The following ASTN2 variants were observed in gnomAD, a reference collection of about 807,000 sequenced individuals.
ASTN2 encodes the protein astrotactin 2, also known as astrotactin-2.
In ASTN2, 54 loss-of-function variants were observed where a neutral mutation model predicts 139.8. That is an observed-to-expected ratio of 0.39 (90% CI 0.31 to 0.48). The LOEUF (loss-of-function observed/expected upper bound fraction) is 0.48, where lower values mean the gene tolerates loss of function less well. ASTN2 is among the 20% of genes least tolerant of loss of function. ASTN2 has a pLI of 0.95. For synonymous variants in ASTN2, 756 were observed against 719.5 expected, an observed-to-expected ratio of 1.05 and a Z score of -0.81; for missense variants, 1,565 against 1,725.1, an observed-to-expected ratio of 0.91 and a Z score of 1.64.
intron 17 of ASTN2, among the ~76,000 whole-genome samples, chr9:116,642,132 C>CCAAAAAAAAAAAAAAAAAAAAAAAA (rs1554724602): frequency 6.1e-5 from 3 of 48,938 alleles, no homozygotes; most frequent in African/African-American, 7.6e-5. Context: ...TCCCAACCCA[C>CCAAAAAAAAAAAAAAAAAAAAAAAA]AAAAAAAAAA....
At chr9:117,338,976 G>T (rs1432716343) in intron 1 of ASTN2, among the ~76,000 whole-genome samples, 1 of 152,044 alleles carries the variant, frequency 6.6e-6, no homozygotes, top group Admixed American at 6.6e-5. Flanking sequence ...TTATCTAGGG[G>T]ACAGGTAGAC....
At chr9:117,120,008 G>GTATATATATATA (rs1203112485) in intron 4 of ASTN2, among the ~76,000 whole-genome samples, 4 of 45,632 alleles carry the variant, frequency 8.8e-5, no homozygotes, top group African/African-American at 2.3e-4. Flanking sequence ...GTGTGTGTGT[G>GTATATATATATA]TGTGTGTGTG....
chr9:116,604,136 A>G (rs1332197265), intron 19 of ASTN2, among the ~76,000 whole-genome samples: 1 of 152,148 alleles, frequency 6.6e-6, no homozygotes, highest in Non-Finnish European at 1.5e-5. Flanking sequence ...GGCAGGAATT[A>G]TGCCTGTCCT....
At chr9:116,509,149 C>T (rs1850247916) in intron 19 of ASTN2, among the ~76,000 whole-genome samples, 1 of 152,134 alleles carries the variant, frequency 6.6e-6, no homozygotes, top group African/African-American at 2.4e-5. Flanking sequence ...CTAATGCTAT[C>T]ACTCCCCCTT....
intron 3 of ASTN2, among the ~76,000 whole-genome samples, chr9:117,141,856 G>C (rs538794476): frequency 6.6e-6 from 1 of 152,142 alleles, no homozygotes; most frequent in African/African-American, 2.4e-5. Flanking sequence ...CAATAGAAGA[G>C]TACAAAATTC....
At chr9:117,252,230 C>A (rs1343146077) in intron 2 of ASTN2, among the ~76,000 whole-genome samples, 1 of 152,134 alleles carries the variant, frequency 6.6e-6, no homozygotes, top group Admixed American at 6.5e-5. Flanking sequence ...GTAGGATGCC[C>A]CCGAAAGTGA....
chr9:116,843,659 CA>C (rs34552965), intron 11 of ASTN2, among the ~76,000 whole-genome samples: 51,903 of 115,456 alleles, frequency 0.45, 9,641 homozygotes, highest in East Asian at 0.66. Context: ...AACTCTGTCT[CA>C]AAAAAAAAAA....
intron 17 of ASTN2, among the ~76,000 whole-genome samples, chr9:116,625,356 C>A (rs1372669795): frequency 6.6e-6 from 1 of 152,166 alleles, no homozygotes; most frequent in Non-Finnish European, 1.5e-5. Flanking sequence ...ATAGCTTGAA[C>A]CCGGGAGGTG....
At chr9:116,762,761 G>A (rs1334230922) in intron 13 of ASTN2, among the ~76,000 whole-genome samples, 2 of 152,200 alleles carry the variant, frequency 1.3e-5, no homozygotes, top group African/African-American at 2.4e-5. Context: ...AGTTGTCTAT[G>A]GCTGTTTTGC....
intron 1 of ASTN2, among the ~76,000 whole-genome samples, chr9:117,339,124 C>T (rs1828983871): frequency 6.6e-6 from 1 of 152,056 alleles, no homozygotes; most frequent in South Asian, 2.1e-4. Context: ...ATCTGTGGTT[C>T]CTGACTACAA....
intron 19 of ASTN2, among the ~76,000 whole-genome samples, chr9:116,571,740 C>T (rs932403298): frequency 1.3e-5 from 2 of 152,060 alleles, no homozygotes; most frequent in South Asian, 2.1e-4. Context: ...GTTGTCTGTG[C>T]GTGGCATGCT....
rs537170027 is a variant in ASTN2, at chr9:116,455,867, T to C, written c.3498-13314A>G. Among the ~76,000 whole-genome samples, 27 of 151,788 alleles carry C rather than the reference T, an allele frequency of 1.8e-4. 1 individual carries two copies. The South Asian group carries it at 5.0e-3, about 28-fold the overall frequency. ...ATATTAGATATAAAACAGTTCATAG[T>C]TCAACACAATAAAACTATATACAAT... On this transcript the variant is annotated intron_variant, in intron 20 of 22. Coordinates refer to ENST00000313400, the MANE Select transcript of ASTN2 (RefSeq NM_001365068.1).
rs183312934 is a variant in ASTN2, at chr9:116,655,362, C to A, written c.2807-3569G>T. 2.0e-5 allele frequency among the ~76,000 whole-genome samples: 3 copies of A among 152,346 alleles called. No individual in the cohort carries two copies. In the East Asian group the frequency reaches 5.8e-4, roughly 29 times the overall value. ...TTTTATTCTTCTCCTGCTTAAAACA[C>A]TTCCATTTCACTTCACTCCTCTTAG... On this transcript the variant is annotated intron_variant, in intron 16 of 22. Transcript: ENST00000313400.
chr9:116,983,567 GATC>G (rs1836579759), intron 7 of ASTN2, among the ~76,000 whole-genome samples: 1 of 152,220 alleles, frequency 6.6e-6, no homozygotes, highest in Non-Finnish European at 1.5e-5. Context: ...CTTTGACAAT[GATC>G]ATGTGTGAGA....
At position 117,201,143 on chromosome 9, in the gene ASTN2, T is replaced by C. The variant is rs958104225; in HGVS notation, c.1015+13215A>G. Among the ~76,000 whole-genome samples the C allele has an allele frequency of 2.3e-4, 35 of 152,020 alleles. 1 individual carries two copies. Among genetic ancestry groups the C allele is most frequent in the Admixed American group, 2.2e-3 (34 of 15,256 alleles). On this transcript the variant is annotated intron_variant, in intron 3 of 22. Transcript: ENST00000313400. ...CAGGAATTTATTCATTTCTTCTAGATTTTCTAGTTTATTTCCATAGAGGTA... is the reference window on the plus strand; with the variant it reads ...CAGGAATTTATTCATTTCTTCTAGACTTTCTAGTTTATTTCCATAGAGGTA...
intron 13 of ASTN2, among the ~76,000 whole-genome samples, chr9:116,757,936 C>T (rs1484342918): frequency 6.6e-6 from 1 of 151,844 alleles, no homozygotes; most frequent in East Asian, 1.9e-4. Flanking sequence ...TATCACAGGC[C>T]CTGATATAAT....
chr9:117,348,035 T>C (rs1256841826), intron 1 of ASTN2, among the ~76,000 whole-genome samples: 1 of 152,236 alleles, frequency 6.6e-6, no homozygotes, highest in Non-Finnish European at 1.5e-5. Context: ...TACATTCTCA[T>C]TATTTTTAAT....
rs576473475 is a variant in ASTN2 at position 116,818,902 on chromosome 9, AT to A, written c.2207+1714del. The stretch of plus-strand genomic sequence containing the variant: ...GATGTTGAGCCACATCACTAGTCAT[AT>A]GACCTTGGGCATGTTTCTTAGCCTT... On this transcript the variant is annotated intron_variant, in intron 12 of 22. Coordinates refer to ENST00000313400, the MANE Select transcript of ASTN2 (RefSeq NM_001365068.1). Among the ~76,000 whole-genome samples, 133 of 152,314 alleles carry A rather than the reference AT, an allele frequency of 8.7e-4. 1 individual carries two copies. The highest frequency in any genetic ancestry group is 2.8e-3 in the African/African-American group (115 of 41,566).
chr9:116,814,401 T>C (rs1035100905), intron 12 of ASTN2, among the ~76,000 whole-genome samples: 7 of 152,152 alleles, frequency 4.6e-5, no homozygotes, highest in African/African-American at 1.2e-4. Context: ...AGGGAAAATT[T>C]AGAGTTTCTA....
Sources: allele counts gnomAD v4.1 joint callset (sites outside exome capture counted in the v4.1 genomes callset), GRCh38; gene constraint gnomAD v4.1.1; transcripts MANE v1.5; gene names NCBI Gene and HGNC (gene_info 2026-07-23, HGNC 2026-07-21).